The following HS3ST4 variants were observed in gnomAD, a reference collection of about 807,000 sequenced individuals.
The protein encoded by HS3ST4 is heparan sulfate-glucosamine 3-sulfotransferase 4, also known as heparan sulfate glucosamine 3-O-sulfotransferase 4.
HS3ST4 carries 17 observed loss-of-function variants against 29.2 expected under a neutral mutation model. The ratio of observed to expected loss-of-function variants is 0.58; its 90% CI spans 0.40 to 0.87. HS3ST4 has a LOEUF of 0.87. HS3ST4 is among the 40% of genes least tolerant of loss of function. The pLI is 0.00. For synonymous variants in HS3ST4, 314 were observed against 285.7 expected (o/e 1.10, Z -1.00); for missense variants, 627 against 634.5 (o/e 0.99, Z 0.13).
intron 1 of HS3ST4, among the ~76,000 whole-genome samples, chr16:25,841,417 C>A (rs1239600877): frequency 6.6e-6 from 1 of 152,060 alleles, no homozygotes; most frequent in Admixed American, 6.6e-5. Flanking sequence ...CCTCCCACTT[C>A]AGCCTCTGGA....
chr16:26,005,133 G>A (rs549931014), intron 1 of HS3ST4, among the ~76,000 whole-genome samples: 1 of 152,292 alleles, frequency 6.6e-6, no homozygotes, highest in Non-Finnish European at 1.5e-5. Flanking sequence ...TCATGTTAAA[G>A]TGAATGCAAA....
chr16:25,857,950 T>TTCTTTCTC (rs1967596892), intron 1 of HS3ST4, among the ~76,000 whole-genome samples: 1 of 55,320 alleles, frequency 1.8e-5, no homozygotes, highest in Non-Finnish European at 3.3e-5. Context: ...CTTTCTTTCT[T>TTCTTTCTC]TCTTTCTTTC....
Position 25,692,774 on chromosome 16 carries a change from C to G in HS3ST4, c.357C>G (p.Ala119=), listed in dbSNP as rs1276419694. The G allele has an allele frequency of 6.7e-6, 9 of 1,343,668 alleles. No individual in the cohort carries two copies. Among genetic ancestry groups the G allele is most frequent in the African/African-American group, 1.5e-5 (1 of 64,874 alleles). 83.2% of individuals were successfully genotyped at this position (1,343,668 alleles called of 1,614,324 possible). ...GEPPEPPEQP[A]APGTDGWGLP... ...CGCCCGAGCCCCCAGAGCAGCCAGC[C>G]GCCCCCGGGACCGACGGCTGGGGGC... is the stretch of plus-strand genomic sequence containing the variant. Residue 119 remains alanine, a synonymous_variant, in exon 1 of 2, where the codon GCC becomes GCG. Transcript: ENST00000331351.
At chr16:25,900,657 G>A (rs1968112390) in intron 1 of HS3ST4, among the ~76,000 whole-genome samples, 1 of 152,018 alleles carries the variant, frequency 6.6e-6, no homozygotes, top group African/African-American at 2.4e-5. Flanking sequence ...ATAGACTTGG[G>A]TAAACTTGAT....
At chr16:25,836,108 A>G (rs1967353617) in intron 1 of HS3ST4, among the ~76,000 whole-genome samples, 2 of 152,178 alleles carry the variant, frequency 1.3e-5, no homozygotes, top group African/African-American at 4.8e-5. Flanking sequence ...ACAAAACGGA[A>G]GGGCATGATG....
intron 1 of HS3ST4, among the ~76,000 whole-genome samples, chr16:25,871,026 ATGGGTAGAATACAT>A (rs1418602309): frequency 4.6e-5 from 7 of 152,222 alleles, no homozygotes; most frequent in Admixed American, 2.0e-4. Flanking sequence ...ATCAAATCAC[ATGGGTAGAATACAT>A]TGGGTAGAAT....
intron 1 of HS3ST4, among the ~76,000 whole-genome samples, chr16:25,811,553 C>G (rs1967042445): frequency 6.6e-6 from 1 of 151,628 alleles, no homozygotes; most frequent in African/African-American, 2.4e-5. Flanking sequence ...CCTGCCTCAG[C>G]CTCCCGAGTA....
At chr16:25,916,159 T>C (rs1377061464) in intron 1 of HS3ST4, among the ~76,000 whole-genome samples, 1 of 152,192 alleles carries the variant, frequency 6.6e-6, no homozygotes, top group Non-Finnish European at 1.5e-5. Flanking sequence ...GCAAATCCCC[T>C]GACATCACAT....
At chr16:25,789,153 A>G (rs1438749212) in intron 1 of HS3ST4, among the ~76,000 whole-genome samples, 1 of 152,078 alleles carries the variant, frequency 6.6e-6, no homozygotes, top group East Asian at 1.9e-4. Flanking sequence ...CCCCAGAAGA[A>G]GATGAAATGA....
At chr16:25,819,370 G>A (rs780339663) in intron 1 of HS3ST4, among the ~76,000 whole-genome samples, 14 of 152,162 alleles carry the variant, frequency 9.2e-5, no homozygotes, top group Non-Finnish European at 1.8e-4. Context: ...CCACAGCCCT[G>A]TGCAGTTTAT....
intron 1 of HS3ST4, among the ~76,000 whole-genome samples, chr16:26,034,277 C>T (rs753343854): frequency 2.0e-5 from 3 of 152,156 alleles, no homozygotes; most frequent in Non-Finnish European, 2.9e-5. Flanking sequence ...ACCCAGGCAG[C>T]ATTTAAGGGA....
chr16:25,837,254 G>C (rs1041498677), intron 1 of HS3ST4, among the ~76,000 whole-genome samples: 1 of 152,214 alleles, frequency 6.6e-6, no homozygotes, highest in Non-Finnish European at 1.5e-5. Flanking sequence ...ATCACATGAG[G>C]ATCCTGGGTG....
chr16:25,760,115 CCTAACCCTAACCCTAACT>C (rs1187057269), intron 1 of HS3ST4, among the ~76,000 whole-genome samples: 2 of 151,856 alleles, frequency 1.3e-5, no homozygotes, highest in Admixed American at 6.6e-5. Context: ...TAACCCTAAC[CCTAACCCTAACCCTAACT>C]CTAACCCTAA....
rs1567261411 is a variant in HS3ST4 at position 25,873,410 on chromosome 16, C to CCACT, written c.734+180261_734+180262insCTCA. On this transcript the variant is annotated intron_variant, in intron 1 of 1. Transcript: ENST00000331351. The stretch of plus-strand genomic sequence containing the variant: ...TCCATCCATCCATCCATCCATCCAT[C>CCACT]CATCCACCCATCCATCCATTAATCC... Among the ~76,000 whole-genome samples the CCACT allele has an allele frequency of 2.1e-5, 3 of 139,718 alleles. No individual in the cohort carries two copies. The East Asian group carries it at 6.4e-4, about 30-fold the overall frequency. The allele number at this position is 139,718 out of a possible 152,430, so 91.7% of individuals were successfully genotyped here.
intron 1 of HS3ST4, among the ~76,000 whole-genome samples, chr16:25,808,277 A>C (rs1967007914): frequency 6.6e-6 from 1 of 152,202 alleles, no homozygotes; most frequent in Non-Finnish European, 1.5e-5. Context: ...ATTTAAGTGC[A>C]CAATCCATTT....
At chr16:25,828,290 T>TCCC (rs1967250744) in intron 1 of HS3ST4, among the ~76,000 whole-genome samples, 1 of 69,440 alleles carries the variant, frequency 1.4e-5, no homozygotes, top group Non-Finnish European at 2.8e-5. Context: ...CTTTCTTTCT[T>TCCC]TCTTTCTTTC....
chr16:25,745,139 G>A (rs955272785), intron 1 of HS3ST4, among the ~76,000 whole-genome samples: 23 of 152,204 alleles, frequency 1.5e-4, no homozygotes, highest in Admixed American at 1.4e-3. Context: ...TTGCAAGAGG[G>A]CCTGGAAAAG....
At chr16:25,998,921 A>G (rs1969179680) in intron 1 of HS3ST4, among the ~76,000 whole-genome samples, 1 of 152,190 alleles carries the variant, frequency 6.6e-6, no homozygotes, top group Non-Finnish European at 1.5e-5. Context: ...AACAGGTTAA[A>G]TGACATAAGC....
intron 1 of HS3ST4, among the ~76,000 whole-genome samples, chr16:25,914,196 G>A (rs963382844): frequency 2.0e-5 from 3 of 148,312 alleles, no homozygotes; most frequent in African/African-American, 7.5e-5. Context: ...TGTGTGTGGA[G>A]TGTGTGTGTG....
Sources: gnomAD v4.1 joint callset for allele counts (sites outside exome capture counted in the v4.1 genomes callset) on GRCh38, gnomAD v4.1.1 for gene constraint, MANE v1.5 for transcripts, NCBI Gene and HGNC (gene_info 2026-07-23, HGNC 2026-07-21) for gene names.